ZDHHC4: variants seen among roughly 807,000 people sequenced by gnomAD.
ZDHHC4 encodes the protein palmitoyltransferase ZDHHC4.
ZDHHC4 carries 42 observed loss-of-function variants against 36.7 expected under a neutral mutation model. That is an observed-to-expected ratio of 1.14 (90% CI 0.89 to 1.48). ZDHHC4 has a LOEUF of 1.48. ZDHHC4 is among the 40% of genes most tolerant of loss of function. The probability of loss-of-function intolerance (pLI) is 0.00; values close to 1 mark genes in which losing one functional copy is unlikely to be tolerated. For synonymous variants in ZDHHC4, 189 were observed against 166.6 expected (o/e 1.13, Z -1.03); for missense variants, 457 against 421.5 (o/e 1.08, Z -0.74).
At chr7:6,587,417 T>TA (rs973929146) in intron 7 of ZDHHC4, among the ~76,000 whole-genome samples, 20 of 152,202 alleles carry the variant, frequency 1.3e-4, no homozygotes, top group African/African-American at 4.8e-4. Flanking sequence ...GGAGTTTTGT[T>TA]AAATGTTCTC....
At chr7:6,585,693 C>A (rs1781194308) in intron 7 of ZDHHC4, among the ~76,000 whole-genome samples, 2 of 150,954 alleles carry the variant, frequency 1.3e-5, no homozygotes, top group African/African-American at 2.4e-5. Context: ...ATTGTTCTAG[C>A]TACTTGGGAG....
At position 6,580,412 on chromosome 7, in the gene ZDHHC4, C is replaced by CT. The variant is rs1035904764; in HGVS notation, c.-7-140dup. The CT allele has an allele frequency of 9.5e-6, 7 of 735,626 alleles. No individual in the cohort carries two copies. The African/African-American group carries it at 1.2e-4, about 13-fold the overall frequency. The allele number at this position is 735,626 out of a possible 1,614,324, so 45.6% of individuals were successfully genotyped here. ...AATTGGTGAATTCTGTTCTGTTTGT[C>CT]TTTCTGCTTTTTGCTTTGAGATGTC... is the stretch of plus-strand genomic sequence containing the variant. On this transcript the variant is annotated intron_variant, in intron 2 of 7. Coordinates refer to ENST00000335965, the MANE Select transcript of ZDHHC4 (RefSeq NM_001134389.2).
intron 6 of ZDHHC4, 49 bp downstream of exon 6, chr7:6,583,480 T>A: frequency 1.3e-6 from 2 of 1,577,658 alleles, no homozygotes. Context: ...AGCACATGTG[T>A]GGGCTTCGTC....
In ZDHHC4 at chr7:6,589,272, G is replaced by A. The variant is rs998951534; in HGVS notation, c.*362G>A. The A allele has an allele frequency of 2.1e-5, 5 of 235,292 alleles. No homozygotes were observed. Among genetic ancestry groups the A allele is most frequent in the Middle Eastern group, 1.6e-3 (1 of 610 alleles). 14.6% of individuals were successfully genotyped at this position (235,292 alleles called of 1,614,324 possible). A position where few individuals can be genotyped will look rare whatever the true frequency, so the allele number is the denominator to read the frequency against. Reference sequence around the variant, plus strand: ...CTCATTGACTCAGCGCCTGCGCGTTGTGCCTGGCTGTGCTCTCTTTTATGC... The same window carrying A: ...CTCATTGACTCAGCGCCTGCGCGTTATGCCTGGCTGTGCTCTCTTTTATGC... On this transcript the variant is annotated 3_prime_UTR_variant, in exon 8 of 8. Transcript: ENST00000335965.
chr7:6,583,202 G>A (rs1319879542), intron 5 of ZDHHC4, 104 bp from the exon 6 acceptor site: 34 of 1,232,922 alleles, frequency 2.8e-5, no homozygotes, highest in South Asian at 4.0e-5. Flanking sequence ...AATTACTTAC[G>A]ATATTAAAGA....
chr7:6,584,492 C>T (rs1781085732), intron 6 of ZDHHC4, among the ~76,000 whole-genome samples: 1 of 152,198 alleles, frequency 6.6e-6, no homozygotes, highest in Non-Finnish European at 1.5e-5. Context: ...AAAGCAGGAA[C>T]ACCAGTTTTA....
At chr7:6,585,980 G>C (rs953670294) in intron 7 of ZDHHC4, among the ~76,000 whole-genome samples, 1 of 151,648 alleles carries the variant, frequency 6.6e-6, no homozygotes. Context: ...GTAAAACCTC[G>C]TCTCTACTAA....
chr7:6,587,051 T>C (rs1411829329), intron 7 of ZDHHC4, among the ~76,000 whole-genome samples: 1 of 151,524 alleles, frequency 6.6e-6, no homozygotes, highest in Non-Finnish European at 1.5e-5. Flanking sequence ...ATGGTAACTT[T>C]TTTTTTTTTT....
intron 2 of ZDHHC4, among the ~76,000 whole-genome samples, chr7:6,579,357 C>G (rs531997055): frequency 6.6e-6 from 1 of 152,182 alleles, no homozygotes; most frequent in East Asian, 1.9e-4. Context: ...TGTGCCACCA[C>G]GCCCGGTTAA....
intron 6 of ZDHHC4, chr7:6,584,360 C>T (rs1781076773): frequency 6.6e-6 from 1 of 152,192 alleles, no homozygotes; most frequent in South Asian, 2.1e-4. Flanking sequence ...CATGTGCAAG[C>T]TATATCCAGA....
intron 7 of ZDHHC4, among the ~76,000 whole-genome samples, chr7:6,588,145 G>A (rs889850406): frequency 7.9e-5 from 12 of 152,180 alleles, no homozygotes; most frequent in Admixed American, 2.6e-4. Flanking sequence ...GATTATAGGC[G>A]TGAGCCATTG....
chr7:6,588,358 T>C (rs2115201961), intron 7 of ZDHHC4, among the ~76,000 whole-genome samples: 1 of 152,374 alleles, frequency 6.6e-6, no homozygotes, highest in South Asian at 2.1e-4. Context: ...CTAACTGGAA[T>C]AGCACATTTC....
chr7:6,581,236 G>C (rs4512303), intron 3 of ZDHHC4: 102,727 of 286,878 alleles, frequency 0.36, 20,121 homozygotes, highest in African/African-American at 0.56. Flanking sequence ...AAGGCATTGA[G>C]TTGGGAGGGA....
Position 6,583,387 on chromosome 7 carries a change from G to A in ZDHHC4, c.452G>A (p.Cys151Tyr), listed in dbSNP as rs768178642. The stretch of plus-strand genomic sequence containing the variant: ...GTGATGTTTCCAAAGAACGTGAGGT[G>A]CTCTACTTGTGATTTAAGGAAACCA... ...DEVMFPKNVR[C>Y]STCDLRKPAR... The change falls in exon 6 of 8, where the codon TGC (cysteine) becomes TAC (tyrosine). Residue 151 changes from cysteine to tyrosine, a missense_variant. Coordinates refer to ENST00000335965, the MANE Select transcript of ZDHHC4 (RefSeq NM_001134389.2). 1.2e-6 allele frequency: 2 copies of A among 1,613,874 alleles called. No homozygotes were observed. Among genetic ancestry groups the A allele is most frequent in the East Asian group, 4.5e-5 (2 of 44,880 alleles).
In ZDHHC4 at chr7:6,589,269, G is replaced by A. The variant is rs1781496360; in HGVS notation, c.*359G>A. 4.1e-6 allele frequency: 1 copy of A among 243,402 alleles called. No individual in the cohort carries two copies. The highest frequency in any genetic ancestry group is 8.2e-6 in the Non-Finnish European group (1 of 121,722). The allele number at this position is 243,402 out of a possible 1,614,324, so 15.1% of individuals were successfully genotyped here. A position where few individuals can be genotyped will look rare whatever the true frequency, so the allele number is the denominator to read the frequency against. The stretch of plus-strand genomic sequence containing the variant: ...GGTCTCATTGACTCAGCGCCTGCGC[G>A]TTGTGCCTGGCTGTGCTCTCTTTTA... On this transcript the variant is annotated 3_prime_UTR_variant, in exon 8 of 8. Coordinates refer to ENST00000335965, the MANE Select transcript of ZDHHC4 (RefSeq NM_001134389.2).
chr7:6,579,205 C>CTT (rs1202827177), intron 2 of ZDHHC4, among the ~76,000 whole-genome samples: 1 of 138,494 alleles, frequency 7.2e-6, no homozygotes, highest in African/African-American at 2.7e-5. Context: ...AGTGTCTTTT[C>CTT]TTTTTTTTTT....
intron 2 of ZDHHC4, 121 bp from the exon 3 acceptor site, chr7:6,580,434 T>C: frequency 1.2e-6 from 1 of 808,424 alleles, no homozygotes; most frequent in Non-Finnish European, 2.1e-6. Context: ...TGCTTTGAGA[T>C]GTCATTAAAG....
chr7:6,586,094 A>C (rs915928770), intron 7 of ZDHHC4, among the ~76,000 whole-genome samples: 1 of 152,104 alleles, frequency 6.6e-6, no homozygotes, highest in African/African-American at 2.4e-5. Flanking sequence ...CGGAGGTTGC[A>C]GTGAGCCAAG....
At chr7:6,581,876 C>T (rs1159019624) in intron 4 of ZDHHC4, among the ~76,000 whole-genome samples, 196 bp downstream of exon 4, 1 of 152,124 alleles carries the variant, frequency 6.6e-6, no homozygotes, top group African/African-American at 2.4e-5. Flanking sequence ...TTTAACTTGC[C>T]TACTTTTAAA....
Sources: gnomAD v4.1 joint callset for allele counts (sites outside exome capture counted in the v4.1 genomes callset) on GRCh38, gnomAD v4.1.1 for gene constraint, MANE v1.5 for transcripts, NCBI Gene and HGNC (gene_info 2026-07-23, HGNC 2026-07-21) for gene names.